LUZP2: variants seen among roughly 807,000 people sequenced by gnomAD.
The protein encoded by LUZP2 is leucine zipper protein 2.
LUZP2 carries 52 observed loss-of-function variants against 51.6 expected under a neutral mutation model. The ratio of observed to expected loss-of-function variants is 1.01; its 90% CI spans 0.81 to 1.27. The LOEUF (loss-of-function observed/expected upper bound fraction) is 1.27. Ranked by LOEUF, LUZP2 falls within the 50% of genes most tolerant of loss-of-function variation. The pLI is 0.00. For missense variants in LUZP2, 436 were observed against 395.4 expected (o/e 1.10, Z -0.87); for synonymous variants, 154 against 137.3 (o/e 1.12, Z -0.85).
At chr11:25,020,416 A>G (rs1270092571) in intron 9 of LUZP2, among the ~76,000 whole-genome samples, 1 of 152,126 alleles carries the variant, frequency 6.6e-6, no homozygotes, top group Non-Finnish European at 1.5e-5. Flanking sequence ...TATTTTGTGA[A>G]GCTGCACTTG....
chr11:25,034,720 G>A (rs999840358), intron 9 of LUZP2, among the ~76,000 whole-genome samples: 1 of 152,070 alleles, frequency 6.6e-6, no homozygotes. Flanking sequence ...TGTCGAAGAT[G>A]AAATGGTTAT....
chr11:24,711,311 G>A (rs1473381479), intron 1 of LUZP2, among the ~76,000 whole-genome samples: 9 of 152,054 alleles, frequency 5.9e-5, no homozygotes, highest in African/African-American at 2.2e-4. Flanking sequence ...TTAGCCGGGT[G>A]TGGCGGCGGG....
At chr11:25,058,224 G>T (rs913060054) in intron 10 of LUZP2, among the ~76,000 whole-genome samples, 4 of 151,640 alleles carry the variant, frequency 2.6e-5, no homozygotes, top group Non-Finnish European at 2.9e-5. Flanking sequence ...AGATTCCAAT[G>T]GTCTTTGGAA....
intron 4 of LUZP2, among the ~76,000 whole-genome samples, chr11:24,744,189 C>T (rs1859288441): frequency 6.6e-6 from 1 of 151,932 alleles, no homozygotes; most frequent in Admixed American, 6.6e-5. Context: ...GGCTATGTCC[C>T]TTCCTGGTTT....
chr11:25,045,102 ATGCTAAATGACGAGTTAATGGG>A (rs1858259422), intron 9 of LUZP2, among the ~76,000 whole-genome samples: 2 of 149,646 alleles, frequency 1.3e-5, no homozygotes, highest in Non-Finnish European at 3.0e-5. Flanking sequence ...GATATACCTA[ATGCTAAATGACGAGTTAATGGG>A]TGCAGCACAC....
At chr11:24,807,542 C>T (rs1376276013) in intron 5 of LUZP2, among the ~76,000 whole-genome samples, 1 of 151,000 alleles carries the variant, frequency 6.6e-6, no homozygotes, top group Non-Finnish European at 1.5e-5. Flanking sequence ...GAAATAAAGA[C>T]CCAGGGAAAG....
intron 8 of LUZP2, among the ~76,000 whole-genome samples, chr11:24,978,860 C>T (rs1855950801): frequency 6.6e-6 from 1 of 151,652 alleles, no homozygotes; most frequent in Non-Finnish European, 1.5e-5. Context: ...GTTGTTCCTC[C>T]ATCTTTAGTT....
At chr11:24,849,895 TCATA>T (rs1172085483) in intron 5 of LUZP2, among the ~76,000 whole-genome samples, 2 of 152,206 alleles carry the variant, frequency 1.3e-5, no homozygotes, top group Non-Finnish European at 2.9e-5. Flanking sequence ...AGCTTTTTCT[TCATA>T]CATTTGTTGG....
Position 24,547,914 on chromosome 11 carries a change from G to A in LUZP2, c.62+50609G>A, listed in dbSNP as rs187724883. Among the ~76,000 whole-genome samples, 74 of 152,132 alleles carry A rather than the reference G, an allele frequency of 4.9e-4. No individual in the cohort carries two copies. The Middle Eastern group carries it at 0.017, about 35-fold the overall frequency. ...AAAAATGGACAGACACTTCTCAGTA[G>A]AAGACATCTATGTGGCCAATAAGCA... On this transcript the variant is annotated intron_variant, in intron 1 of 11. Transcript: ENST00000336930.
At chr11:24,678,095 T>C (rs1457823968) in intron 1 of LUZP2, among the ~76,000 whole-genome samples, 3 of 142,282 alleles carry the variant, frequency 2.1e-5, no homozygotes, top group Non-Finnish European at 3.1e-5. Flanking sequence ...GGGTGATTAC[T>C]ACGTAGCTAT....
intron 6 of LUZP2, among the ~76,000 whole-genome samples, chr11:24,912,011 C>G (rs1853650090): frequency 6.6e-6 from 1 of 152,140 alleles, no homozygotes; most frequent in South Asian, 2.1e-4. Context: ...CTGTGAGAAA[C>G]CATAAATTCT....
At chr11:24,773,295 C>T (rs1309225677) in intron 5 of LUZP2, among the ~76,000 whole-genome samples, 2 of 152,192 alleles carry the variant, frequency 1.3e-5, no homozygotes, top group South Asian at 2.1e-4. Flanking sequence ...GTAAAACAAT[C>T]GCTAACCATG....
intron 10 of LUZP2, among the ~76,000 whole-genome samples, chr11:25,055,128 A>C (rs1349125807): frequency 6.7e-6 from 1 of 148,690 alleles, no homozygotes; most frequent in Non-Finnish European, 1.5e-5. Flanking sequence ...CTCCTGCCTC[A>C]GCCTCCTGAG....
At chr11:24,602,008 G>A (rs1271238972) in intron 1 of LUZP2, among the ~76,000 whole-genome samples, 2 of 138,832 alleles carry the variant, frequency 1.4e-5, no homozygotes, top group Non-Finnish European at 3.1e-5. Context: ...GTATATATAT[G>A]TATATATGTA....
At chr11:24,970,509 A>G (rs1855711655) in intron 7 of LUZP2, among the ~76,000 whole-genome samples, 1 of 152,312 alleles carries the variant, frequency 6.6e-6, no homozygotes, top group Non-Finnish European at 1.5e-5. Flanking sequence ...TAAAAATTGT[A>G]TCAAAGAGTT....
chr11:24,646,677 A>T, intron 1 of LUZP2: 1 of 807,188 alleles, frequency 1.2e-6, no homozygotes, highest in South Asian at 5.7e-5. Flanking sequence ...ACAACTCCCC[A>T]AAAGACTGTT....
In LUZP2 at chr11:24,517,483, CAAAAAAAAAAAAAAA is replaced by C. The variant is rs71041768; in HGVS notation, c.62+20194_62+20208del. 1.7e-3 allele frequency among the ~76,000 whole-genome samples: 73 copies of C among 44,158 alleles called. 3 individuals are homozygous for C. The highest frequency in any genetic ancestry group is 0.059 in the Middle Eastern group (2 of 34). The allele number at this position is 44,158 out of a possible 152,430, so 29.0% of individuals were successfully genotyped here. On this transcript the variant is annotated intron_variant, in intron 1 of 11. Coordinates refer to ENST00000336930, the MANE Select transcript of LUZP2 (RefSeq NM_001009909.4). ...CCTGGGTGACAGAGCCAGACGCCGT[CAAAAAAAAAAAAAAA>C]AAAAAAAAAAAAAAATTGTAGGTAC... is the stretch of plus-strand genomic sequence containing the variant.
At chr11:24,928,012 A>AT (rs1854331079) in intron 7 of LUZP2, among the ~76,000 whole-genome samples, 1 of 151,868 alleles carries the variant, frequency 6.6e-6, no homozygotes, top group African/African-American at 2.4e-5. Context: ...GTAAAAAAAA[A>AT]GTTGAGTTCT....
intron 5 of LUZP2, chr11:24,893,390 T>A (rs1193992728): frequency 6.6e-6 from 1 of 152,068 alleles, no homozygotes; most frequent in Non-Finnish European, 1.5e-5. Flanking sequence ...AACTCAGTGC[T>A]CAGAAATTCT....
Sources: allele counts gnomAD v4.1 joint callset (sites outside exome capture counted in the v4.1 genomes callset), GRCh38; gene constraint gnomAD v4.1.1; transcripts MANE v1.5; gene names NCBI Gene and HGNC (gene_info 2026-07-23, HGNC 2026-07-21).